Variants in FBXO34 observed in about 807,000 individuals in gnomAD.
FBXO34 encodes F-box protein 34.
In FBXO34, 12 loss-of-function variants were observed where a neutral mutation model predicts 24.5. That is an observed-to-expected ratio of 0.49 (90% CI 0.31 to 0.79). The LOEUF is 0.79. Ranked by LOEUF, FBXO34 falls within the 30% of genes least tolerant of loss-of-function variation. FBXO34 has a pLI of 0.04. For synonymous variants in FBXO34, 320 were observed against 311.9 expected, an observed-to-expected ratio of 1.03 and a Z score of -0.27; for missense variants, 823 against 857.7, an observed-to-expected ratio of 0.96 and a Z score of 0.51.
At chr14:55,327,213 G>A (rs1566557500) in intron 1 of FBXO34, among the ~76,000 whole-genome samples, 1 of 152,188 alleles carries the variant, frequency 6.6e-6, no homozygotes, top group Non-Finnish European at 1.5e-5. Flanking sequence ...ACATGTAAAG[G>A]CTCTGAGGTG....
chr14:55,315,306 C>CA (rs1382052981), intron 1 of FBXO34, among the ~76,000 whole-genome samples: 1 of 152,212 alleles, frequency 6.6e-6, no homozygotes, highest in African/African-American at 2.4e-5. Context: ...TCAGGAAAGT[C>CA]AGACACTTCA....
chr14:55,356,900 C>T (rs1884530693), downstream of FBXO34, among the ~76,000 whole-genome samples: 1 of 152,144 alleles, frequency 6.6e-6, no homozygotes, highest in African/African-American at 2.4e-5. Context: ...AGCTGCATGT[C>T]ACTATGCCTG....
chr14:55,328,831 A>G (rs1452672446), intron 1 of FBXO34, among the ~76,000 whole-genome samples: 1 of 152,148 alleles, frequency 6.6e-6, no homozygotes, highest in African/African-American at 2.4e-5. Context: ...TTTTCCAGGA[A>G]AACAGTATGA....
At position 55,302,251 on chromosome 14, in the gene FBXO34, G is replaced by A. The variant is rs549794511; in HGVS notation, c.-11+30714G>A. 2.6e-5 allele frequency among the ~76,000 whole-genome samples: 4 copies of A among 152,256 alleles called. No individual in the cohort carries two copies. In the East Asian group the frequency reaches 5.8e-4, roughly 22 times the overall value. On this transcript the variant is annotated intron_variant, in intron 1 of 1. Coordinates refer to ENST00000313833, the MANE Select transcript of FBXO34 (RefSeq NM_017943.4). ...GGTTTGAATAGCGGGACATTACATG[G>A]AGGTGATTTTTTGGAATATATTTCT...
chr14:55,338,776 G>GGC (rs1382106826), intron 1 of FBXO34, among the ~76,000 whole-genome samples: 1 of 151,970 alleles, frequency 6.6e-6, no homozygotes, highest in Non-Finnish European at 1.5e-5. Context: ...CATGGTGGCA[G>GGC]GCGCCTCTAG....
downstream of FBXO34, among the ~76,000 whole-genome samples, chr14:55,363,556 T>A (rs1377590767): frequency 6.6e-6 from 1 of 152,118 alleles, no homozygotes; most frequent in African/African-American, 2.4e-5. Context: ...CTTGAACTCC[T>A]GACTTCAGGT....
At chr14:55,367,047 C>A (rs145552124) in intron 2 of FBXO34, 1 of 152,634 alleles carries the variant, frequency 6.6e-6, no homozygotes, top group African/African-American at 2.4e-5. Context: ...ATATTAACAA[C>A]AACAAACAAA....
chr14:55,360,686 AAG>A (rs1467635106), intron 3 of FBXO34, among the ~76,000 whole-genome samples: 1 of 152,140 alleles, frequency 6.6e-6, no homozygotes, highest in Non-Finnish European at 1.5e-5. Context: ...AAAGGATTGT[AAG>A]CCAAACTCCT....
the FBXO34 span, among the ~76,000 whole-genome samples, chr14:55,432,553 A>G: frequency 2.8e-4 from 43 of 152,308 alleles, no homozygotes; most frequent in South Asian, 8.3e-3. Context: ...ATCTCTCCAT[A>G]GATAACTGAG....
At chr14:55,396,256 A>G in the FBXO34 span, among the ~76,000 whole-genome samples, 1 of 152,248 alleles carries the variant, frequency 6.6e-6, no homozygotes, top group Admixed American at 6.5e-5. Context: ...AGTCATCATC[A>G]GTAACTGCCA....
rs1882339086 is a variant in FBXO34 at position 55,301,135 on chromosome 14, A to G, written c.-11+29598A>G. 2.6e-5 allele frequency among the ~76,000 whole-genome samples: 4 copies of G among 152,308 alleles called. No individual in the cohort carries two copies. In the South Asian group the frequency reaches 6.2e-4, roughly 24 times the overall value. On this transcript the variant is annotated intron_variant, in intron 1 of 1. Coordinates refer to ENST00000313833, the MANE Select transcript of FBXO34 (RefSeq NM_017943.4). ...CAAGAAAAATCAGCTCTGTAGGACA[A>G]TGTTAAAAAGAGTGTTCTTGGCTGG...
chr14:55,372,666 C>T (rs536845186), downstream of FBXO34, among the ~76,000 whole-genome samples: 9 of 151,920 alleles, frequency 5.9e-5, no homozygotes, highest in Admixed American at 1.3e-4. Context: ...CTCCTTCCTT[C>T]GCTCCTCCCT....
rs1340991577 is a variant in FBXO34 at position 55,348,138 on chromosome 14, T to A, written c.-10-2243T>A. The stretch of plus-strand genomic sequence containing the variant: ...GGAAGATCTCTACAGATGATTAGGC[T>A]ATAAATTGCCAAAGATCAGAAAGAC... On this transcript the variant is annotated intron_variant, in intron 1 of 1. Transcript: ENST00000313833. Among the ~76,000 whole-genome samples, 3 of 152,316 alleles carry A rather than the reference T, an allele frequency of 2.0e-5. 1 individual carries two copies. Among genetic ancestry groups the A allele is most frequent in the African/African-American group, 7.2e-5 (3 of 41,560 alleles).
At chr14:55,379,065 T>C in the FBXO34 span, among the ~76,000 whole-genome samples, 2 of 152,120 alleles carry the variant, frequency 1.3e-5, no homozygotes, top group African/African-American at 4.8e-5. Context: ...TGACATGCTG[T>C]TGATTTGTTT....
intron 1 of FBXO34, among the ~76,000 whole-genome samples, chr14:55,281,873 T>C (rs1881555525): frequency 6.6e-6 from 1 of 152,166 alleles, no homozygotes; most frequent in Non-Finnish European, 1.5e-5. Context: ...TAGGCACATA[T>C]CGAAGGCTTA....
intron 1 of FBXO34, among the ~76,000 whole-genome samples, chr14:55,343,105 A>G (rs1884043817): frequency 6.6e-6 from 1 of 152,246 alleles, no homozygotes; most frequent in Non-Finnish European, 1.5e-5. Context: ...GAAGGCTGTC[A>G]TAAGATGGTC....
chr14:55,323,637 T>C (rs1307474165), intron 1 of FBXO34, among the ~76,000 whole-genome samples: 1 of 152,130 alleles, frequency 6.6e-6, no homozygotes, highest in Non-Finnish European at 1.5e-5. Flanking sequence ...TGCCTCAGCC[T>C]TCCAAAGTGC....
intron 1 of FBXO34, among the ~76,000 whole-genome samples, chr14:55,280,787 A>G (rs1421287972): frequency 6.6e-6 from 1 of 151,968 alleles, no homozygotes; most frequent in Non-Finnish European, 1.5e-5. Context: ...CAGCCTTCCG[A>G]AGTGCTGGGA....
the FBXO34 span, among the ~76,000 whole-genome samples, chr14:55,418,500 A>G: frequency 6.6e-6 from 1 of 152,184 alleles, no homozygotes; most frequent in Non-Finnish European, 1.5e-5. Flanking sequence ...CGCTCAAGTT[A>G]TTCATTTTAT....
Sources: gnomAD v4.1 joint callset for allele counts (sites outside exome capture counted in the v4.1 genomes callset) on GRCh38, gnomAD v4.1.1 for gene constraint, MANE v1.5 for transcripts, NCBI Gene and HGNC (gene_info 2026-07-23, HGNC 2026-07-21) for gene names.